IKZF2: variants seen among roughly 807,000 people sequenced by gnomAD.
IKZF2 encodes IKAROS family zinc finger 2.
A neutral mutation model predicts 49.2 loss-of-function variants in IKZF2; 15 were observed. The ratio of observed to expected loss-of-function variants is 0.30; its 90% CI spans 0.20 to 0.47. The LOEUF (loss-of-function observed/expected upper bound fraction) is 0.47. Among genes scored for constraint, IKZF2 ranks in the 20% least tolerant of loss-of-function variants. The pLI is 1.00. For synonymous variants in IKZF2, 227 were observed against 221.4 expected, an observed-to-expected ratio of 1.03 and a Z score of -0.23; for missense variants, 567 against 664.6, an observed-to-expected ratio of 0.85 and a Z score of 1.61.
intron 6 of IKZF2, 80 bp downstream of exon 6, chr2:213,049,633 A>G: frequency 4.6e-6 from 5 of 1,076,150 alleles, no homozygotes; most frequent in Non-Finnish European, 5.2e-6. Context: ...TACATAACAA[A>G]GCCATGTTAC....
intron 4 of IKZF2, among the ~76,000 whole-genome samples, chr2:213,067,667 C>T (rs996799300): frequency 6.6e-6 from 1 of 152,124 alleles, no homozygotes; most frequent in Non-Finnish European, 1.5e-5. Flanking sequence ...ACTCACTGAG[C>T]ACCTGCTCTG....
At chr2:213,135,375 A>T (rs1213798935) in intron 4 of IKZF2, among the ~76,000 whole-genome samples, 2 of 152,174 alleles carry the variant, frequency 1.3e-5, no homozygotes, top group Non-Finnish European at 2.9e-5. Flanking sequence ...AGTATATAAC[A>T]TTATTTGGAA....
intron 4 of IKZF2, among the ~76,000 whole-genome samples, chr2:213,099,075 T>C (rs1706337606): frequency 6.6e-6 from 1 of 152,128 alleles, no homozygotes; most frequent in African/African-American, 2.4e-5. Context: ...AAAATTCAAT[T>C]AAATATTAGC....
intron 4 of IKZF2, among the ~76,000 whole-genome samples, chr2:213,084,323 G>A (rs1202075095): frequency 6.6e-6 from 1 of 152,116 alleles, no homozygotes; most frequent in Non-Finnish European, 1.5e-5. Flanking sequence ...TAGACTGTAT[G>A]AAAGTACCTC....
intron 4 of IKZF2, among the ~76,000 whole-genome samples, chr2:213,058,083 T>A (rs1453793714): frequency 6.6e-6 from 1 of 152,140 alleles, no homozygotes. Flanking sequence ...TTGGTACTAC[T>A]TGATTAGAGG....
In IKZF2 at chr2:213,005,456, C is replaced by T. The variant is rs2124981784; in HGVS notation, c.*1904G>A. 6.6e-6 allele frequency: 1 copy of T among 151,986 alleles called. No individual in the cohort carries two copies. Among genetic ancestry groups the T allele is most frequent in the Middle Eastern group, 3.4e-3 (1 of 294 alleles). The allele number at this position is 151,986 out of a possible 1,614,324, so 9.4% of individuals were successfully genotyped here. Reference sequence around the variant, plus strand: ...AGTGCTTAGAAGTGCTTAGCTGGTGCCTACCATTTAAATAGCAAATAGTAA... The same window carrying T: ...AGTGCTTAGAAGTGCTTAGCTGGTGTCTACCATTTAAATAGCAAATAGTAA... On this transcript the variant is annotated 3_prime_UTR_variant, in exon 9 of 9. Transcript: ENST00000434687.
intron 6 of IKZF2, among the ~76,000 whole-genome samples, chr2:213,040,249 T>C (rs1308800518): frequency 6.6e-6 from 1 of 151,736 alleles, no homozygotes; most frequent in Non-Finnish European, 1.5e-5. Context: ...ATGGGTTTTT[T>C]TTTTTTTTTG....
At chr2:213,044,466 T>C (rs899456840) in intron 6 of IKZF2, among the ~76,000 whole-genome samples, 2 of 152,306 alleles carry the variant, frequency 1.3e-5, no homozygotes, top group South Asian at 2.1e-4. Flanking sequence ...GATAGCAGGA[T>C]AGCCTCCTTA....
At chr2:213,065,879 A>T (rs1415630044) in intron 4 of IKZF2, among the ~76,000 whole-genome samples, 1 of 152,098 alleles carries the variant, frequency 6.6e-6, no homozygotes, top group Non-Finnish European at 1.5e-5. Flanking sequence ...GAATCAGTGT[A>T]TACAATCTGA....
intron 1 of IKZF2, 146 bp from the exon 2 acceptor site, chr2:213,150,393 C>A: frequency 3.4e-6 from 1 of 292,358 alleles, no homozygotes; most frequent in Non-Finnish European, 7.0e-6. Flanking sequence ...TCATTCCAAG[C>A]CCAAATCCAG....
In IKZF2 at chr2:213,005,008, G is replaced by C. The variant is rs1343258423; in HGVS notation, c.*2352C>G. On this transcript the variant is annotated 3_prime_UTR_variant, in exon 9 of 9. Transcript: ENST00000434687. Reference sequence around the variant, plus strand: ...TCATATACTGAAAAAAAAATAAGTAGGAAGAAAATTCATAGATAATGCCAG... The same window carrying C: ...TCATATACTGAAAAAAAAATAAGTACGAAGAAAATTCATAGATAATGCCAG... 4 of 152,186 alleles carry C rather than the reference G, an allele frequency of 2.6e-5. No individual in the cohort carries two copies. Among genetic ancestry groups the C allele is most frequent in the African/African-American group, 9.7e-5 (4 of 41,352 alleles). 9.4% of individuals were successfully genotyped at this position (152,186 alleles called of 1,614,324 possible).
chr2:213,125,337 G>C (rs956409591), intron 4 of IKZF2, among the ~76,000 whole-genome samples: 1 of 151,924 alleles, frequency 6.6e-6, no homozygotes, highest in African/African-American at 2.4e-5. Flanking sequence ...ATTTCTCCCA[G>C]ACACTGAAGC....
rs1036986599 is a variant in IKZF2 at position 213,013,872 on chromosome 2, G to T, written c.775C>A (p.Pro259Thr). Residue 259 changes from proline to threonine, a missense_variant, in exon 8 of 9, where the codon CCT becomes ACT. Around this residue, in one of 5 missense-constraint regions of IKZF2, gnomAD observed 310 missense variants for 326.9 expected, o/e 0.95. Transcript: ENST00000434687. ...PIMDNNISLV[P>T]FERPAVIEKL... is the part of the protein sequence containing the mutation. Reference sequence around the variant, plus strand: ...TCTATGACAGCAGGTCTCTCAAAAGGCACCAGAGAAATATTGTTGTCCATA... The same window carrying T: ...TCTATGACAGCAGGTCTCTCAAAAGTCACCAGAGAAATATTGTTGTCCATA... The T allele has an allele frequency of 1.9e-6, 3 of 1,611,840 alleles. No homozygotes were observed. The East Asian group carries it at 6.7e-5, about 36-fold the overall frequency.
intron 6 of IKZF2, among the ~76,000 whole-genome samples, chr2:213,030,081 T>A (rs1163441552): frequency 6.6e-6 from 1 of 152,160 alleles, no homozygotes; most frequent in Non-Finnish European, 1.5e-5. Flanking sequence ...GATCTCTGTA[T>A]ATATTAACGC....
In IKZF2 at chr2:213,003,140, T is replaced by C. The variant is rs1021236763; in HGVS notation, c.*4220A>G. ...ATTTTAAGTGATTTTTAAAAATGCA[T>C]ATTAAAAGTGTTGTACAGCTGCAAC... On this transcript the variant is annotated 3_prime_UTR_variant, in exon 9 of 9. Coordinates refer to ENST00000434687, the MANE Select transcript of IKZF2 (RefSeq NM_001387220.1). 1.2e-4 allele frequency: 19 copies of C among 152,094 alleles called. No individual in the cohort carries two copies. Among genetic ancestry groups the C allele is most frequent in the African/African-American group, 4.3e-4 (18 of 41,422 alleles). 9.4% of individuals were successfully genotyped at this position (152,094 alleles called of 1,614,324 possible).
chr2:213,091,329 A>G (rs1705306802), intron 4 of IKZF2, among the ~76,000 whole-genome samples: 1 of 152,184 alleles, frequency 6.6e-6, no homozygotes, highest in South Asian at 2.1e-4. Flanking sequence ...ATCTGAAGAA[A>G]GCTCTCATAA....
At chr2:213,017,908 A>G (rs1680690121) in intron 7 of IKZF2, among the ~76,000 whole-genome samples, 1 of 152,126 alleles carries the variant, frequency 6.6e-6, no homozygotes, top group Admixed American at 6.6e-5. Flanking sequence ...GATACAAGAG[A>G]GATATAATAT....
chr2:213,079,897 A>G (rs566008663), intron 4 of IKZF2, among the ~76,000 whole-genome samples: 23 of 152,216 alleles, frequency 1.5e-4, no homozygotes, highest in Non-Finnish European at 2.6e-4. Flanking sequence ...TTGCTTTCCT[A>G]TCACCTGCCC....
At chr2:213,115,133 A>G (rs2059828769) in intron 4 of IKZF2, among the ~76,000 whole-genome samples, 1 of 152,336 alleles carries the variant, frequency 6.6e-6, no homozygotes, top group East Asian at 1.9e-4. Context: ...ATTATAATAA[A>G]GCATACTGCA....
Sources: gnomAD v4.1 joint callset for allele counts (sites outside exome capture counted in the v4.1 genomes callset) on GRCh38, gnomAD v4.1.1 for gene constraint, gnomAD v4.1.1 regional missense constraint, MANE v1.5 for transcripts, NCBI Gene and HGNC (gene_info 2026-07-23, HGNC 2026-07-21) for gene names.